The following ARIH2 variants were observed in gnomAD, a reference collection of about 807,000 sequenced individuals.
ARIH2 encodes ariadne RBR E3 ubiquitin protein ligase 2.
ARIH2 carries 12 observed loss-of-function variants against 79.8 expected under a neutral mutation model. The ratio of observed to expected loss-of-function variants is 0.15; its 90% CI spans 0.10 to 0.24. The LOEUF is 0.24. Among genes scored for constraint, ARIH2 ranks in the 10% least tolerant of loss-of-function variants. The pLI, the probability that ARIH2 is intolerant of heterozygous loss-of-function variation, is 1.00. For synonymous variants in ARIH2, 224 were observed against 213.9 expected (o/e 1.05, Z -0.41); for missense variants, 301 against 618.3 (o/e 0.49, Z 5.44).
intron 3 of ARIH2, among the ~76,000 whole-genome samples, chr3:48,942,411 A>G (rs975234322): frequency 1.3e-5 from 2 of 152,180 alleles, no homozygotes; most frequent in African/African-American, 4.8e-5. Context: ...ATTATTTCCC[A>G]GTAAACAAGT....
intron 2 of ARIH2, among the ~76,000 whole-genome samples, chr3:48,925,864 C>G (rs989176355): frequency 6.6e-6 from 1 of 151,884 alleles, no homozygotes; most frequent in East Asian, 1.9e-4. Context: ...GGATTACACG[C>G]ACGCACCACC....
intron 4 of ARIH2, among the ~76,000 whole-genome samples, chr3:48,961,886 A>G (rs1289715963): frequency 6.6e-6 from 1 of 152,160 alleles, no homozygotes; most frequent in Non-Finnish European, 1.5e-5. Flanking sequence ...CAGTTTTAAT[A>G]CTAGCACAGT....
chr3:48,931,655 C>T (rs1321841086), intron 3 of ARIH2, among the ~76,000 whole-genome samples: 1 of 152,068 alleles, frequency 6.6e-6, no homozygotes, highest in Non-Finnish European at 1.5e-5. Context: ...ATCTCAAACT[C>T]CTGGCCTCAA....
rs58279033 is a variant in ARIH2 at position 48,978,483 on chromosome 3, A to ATTT, written c.962-987_962-985dup. Among the ~76,000 whole-genome samples, 217 of 40,430 alleles carry ATTT rather than the reference A, an allele frequency of 5.4e-3. 1 individual carries two copies. Among genetic ancestry groups the ATTT allele is most frequent in the African/African-American group, 0.012 (205 of 17,146 alleles). 26.5% of individuals were successfully genotyped at this position (40,430 alleles called of 152,430 possible). A position where few individuals can be genotyped will look rare whatever the true frequency, so the allele number is the denominator to read the frequency against. Reference sequence around the variant, plus strand: ...TGTGTGTGTATATATATATATATATATTTTTTTTTTTTTTGGTAGAGACGG... The same window carrying ATTT: ...TGTGTGTGTATATATATATATATATATTTTTTTTTTTTTTTTTGGTAGAGACGG... On this transcript the variant is annotated intron_variant, in intron 11 of 15. Coordinates refer to ENST00000356401, the MANE Select transcript of ARIH2 (RefSeq NM_006321.4).
chr3:48,927,643 G>A lies in ARIH2; in HGVS notation c.85G>A (p.Glu29Lys). The stretch of plus-strand genomic sequence containing the variant: ...TTGTGAGGAAGAGGAAGAAGAAGAA[G>A]AAGACGACCCTGGGGACATAGAGGA... The part of the protein sequence containing the change: ...PNCEEEEEEE[E>K]DDPGDIEDYY... Residue 29 changes from glutamate (E) to lysine (K), a missense_variant, in exon 3 of 16, where the codon GAA (glutamate) becomes AAA (lysine). By Grantham distance (56) the Glu-to-Lys change is moderately conservative (BLOSUM62 1). Coordinates refer to ENST00000356401, the MANE Select transcript of ARIH2 (RefSeq NM_006321.4). The A allele has an allele frequency of 6.2e-7, 1 of 1,613,866 alleles. No individual in the cohort carries two copies. Among genetic ancestry groups the A allele is most frequent in the Non-Finnish European group, 8.5e-7 (1 of 1,179,892 alleles).
chr3:48,968,736 G>C, intron 7 of ARIH2, 81 bp downstream of exon 7: 1 of 1,535,690 alleles, frequency 6.5e-7, no homozygotes, highest in Non-Finnish European at 8.8e-7. Flanking sequence ...TTACTTTGTA[G>C]ACTAGGCTGA....
intron 1 of ARIH2, 127 bp downstream of exon 1, chr3:48,919,125 C>A (rs1470619721): frequency 7.7e-7 from 1 of 1,292,038 alleles, no homozygotes. Flanking sequence ...GGGCGCTCCC[C>A]GTCGCCGGCA....
intron 4 of ARIH2, among the ~76,000 whole-genome samples, chr3:48,963,268 C>T: frequency 6.6e-6 from 1 of 152,162 alleles, no homozygotes; most frequent in East Asian, 1.9e-4. Flanking sequence ...CTGCCCAAAA[C>T]TCTGGAACCA....
intron 3 of ARIH2, among the ~76,000 whole-genome samples, chr3:48,939,352 T>C (rs2087685146): frequency 6.6e-6 from 1 of 152,108 alleles, no homozygotes; most frequent in African/African-American, 2.4e-5. Context: ...CTGGGGGCCC[T>C]TGAGTCTGGA....
At chr3:48,956,526 G>A (rs1374739220) in intron 3 of ARIH2, among the ~76,000 whole-genome samples, 1 of 140,146 alleles carries the variant, frequency 7.1e-6, no homozygotes, top group Non-Finnish European at 1.5e-5. Flanking sequence ...TGAACTCCTG[G>A]GCTAAGCAAT....
chr3:48,953,793 C>G (rs534982762), intron 3 of ARIH2, among the ~76,000 whole-genome samples: 1 of 152,060 alleles, frequency 6.6e-6, no homozygotes, highest in East Asian at 1.9e-4. Context: ...ACCTCCTGGG[C>G]TCAAGCGATC....
Position 48,961,636 on chromosome 3 carries a change from AT to A in ARIH2, c.281del (p.Ile94AsnfsTer2). 1 of 1,609,408 alleles carries A rather than the reference AT, an allele frequency of 6.2e-7. No individual in the cohort carries two copies. Among genetic ancestry groups the A allele is most frequent in the Non-Finnish European group, 8.5e-7 (1 of 1,175,926 alleles). ...LKVSHSVAKL[I>X]LVNFHWQVSE... is the part of the protein sequence containing the mutation. ...GGTATCTCATTCAGTTGCTAAACTT[AT>A]ATTAGTTAATTTCCACTGGCAAGTT... On this transcript the variant is annotated frameshift_variant, in exon 4 of 16. Transcript: ENST00000356401. LOFTEE classifies it high-confidence loss of function.
chr3:48,943,321 C>A (rs181002738), intron 3 of ARIH2: 1 of 152,326 alleles, frequency 6.6e-6, no homozygotes, highest in Non-Finnish European at 1.5e-5. Context: ...CTTCTTGCAA[C>A]CCTCGAGAGA....
At chr3:48,978,465 G>GTGTGTGTA (rs1251443781) in intron 11 of ARIH2, among the ~76,000 whole-genome samples, 4 of 75,486 alleles carry the variant, frequency 5.3e-5, no homozygotes, top group Non-Finnish European at 8.9e-5. Context: ...GTGTGTGTGT[G>GTGTGTGTA]TATATATATA....
chr3:48,948,530 C>T (rs1205272036), intron 3 of ARIH2, among the ~76,000 whole-genome samples: 1 of 151,962 alleles, frequency 6.6e-6, no homozygotes, highest in African/African-American at 2.4e-5. Context: ...TCAGGTGATC[C>T]GCCCACCTCG....
intron 3 of ARIH2, among the ~76,000 whole-genome samples, chr3:48,957,163 G>T (rs575973712): frequency 6.6e-6 from 1 of 152,284 alleles, no homozygotes; most frequent in African/African-American, 2.4e-5. Context: ...ATTCTGAGTT[G>T]GTCATTATCA....
chr3:48,961,750 T>C, intron 4 of ARIH2, 71 bp downstream of exon 4: 1 of 1,055,008 alleles, frequency 9.5e-7, no homozygotes, highest in Non-Finnish European at 1.5e-6. Context: ...TTGTTTACAT[T>C]TTGGACCATA....
chr3:48,919,046 T>C, intron 1 of ARIH2, 48 bp downstream of exon 1: 2 of 1,330,094 alleles, frequency 1.5e-6, no homozygotes, highest in Non-Finnish European at 1.9e-6. Context: ...GGCTGGCCGC[T>C]GGGGGGGCCT....
At chr3:48,936,840 A>G (rs868300446) in intron 3 of ARIH2, among the ~76,000 whole-genome samples, 1 of 152,086 alleles carries the variant, frequency 6.6e-6, no homozygotes, top group Non-Finnish European at 1.5e-5. Flanking sequence ...CCATCTGGCT[A>G]ACACGTTGAA....
Sources: gnomAD v4.1 joint callset for allele counts (sites outside exome capture counted in the v4.1 genomes callset) on GRCh38, gnomAD v4.1.1 for gene constraint, MANE v1.5 for transcripts, NCBI Gene and HGNC (gene_info 2026-07-23, HGNC 2026-07-21) for gene names.